The following CENPP variants were observed in gnomAD, a reference collection of about 807,000 sequenced individuals.
CENPP encodes the protein centromere protein P.
CENPP carries 24 observed loss-of-function variants against 35.6 expected under a neutral mutation model. The observed-to-expected ratio is 0.67, with a 90% confidence interval of 0.49 to 0.95. The LOEUF (loss-of-function observed/expected upper bound fraction) is 0.95. Among genes scored for constraint, CENPP ranks in the 40% least tolerant of loss-of-function variants. CENPP has a pLI of 0.00. For synonymous variants in CENPP, 120 were observed against 125.5 expected (o/e 0.96, Z 0.29); for missense variants, 332 against 345.3 (o/e 0.96, Z 0.31).
chr9:92,365,406 C>CTTTTTT (rs33952600), intron 4 of CENPP, among the ~76,000 whole-genome samples: 2 of 81,506 alleles, frequency 2.5e-5, no homozygotes, highest in African/African-American at 1.0e-4. Context: ...TATAACTACT[C>CTTTTTT]TTTTTTTTTT....
chr9:92,584,633 T>C (rs1247566181), intron 5 of CENPP, among the ~76,000 whole-genome samples: 1 of 152,162 alleles, frequency 6.6e-6, no homozygotes, highest in East Asian at 1.9e-4. Flanking sequence ...TGTAAGTTCG[T>C]TTTAACCAGT....
chr9:92,484,619 T>C (rs1846013144), intron 5 of CENPP, among the ~76,000 whole-genome samples: 1 of 152,222 alleles, frequency 6.6e-6, no homozygotes, highest in African/African-American at 2.4e-5. Context: ...AAATAAGATT[T>C]CAACTTCTCT....
At chr9:92,454,547 T>C (rs1166655360) in intron 5 of CENPP, among the ~76,000 whole-genome samples, 1 of 152,200 alleles carries the variant, frequency 6.6e-6, no homozygotes. Context: ...ATTTATTTTG[T>C]TTATTAAAGC....
At chr9:92,490,820 C>G (rs973854859) in intron 5 of CENPP, among the ~76,000 whole-genome samples, 4 of 152,206 alleles carry the variant, frequency 2.6e-5, no homozygotes, top group Non-Finnish European at 4.4e-5. Flanking sequence ...ATGTTAATAA[C>G]ATAAATGATT....
chr9:92,344,378 T>C (rs902068764), intron 3 of CENPP, among the ~76,000 whole-genome samples: 2 of 152,228 alleles, frequency 1.3e-5, no homozygotes, highest in African/African-American at 4.8e-5. Flanking sequence ...AGATTTTTGC[T>C]TTCCTTTTCC....
chr9:92,359,932 A>G (rs574036712), intron 4 of CENPP, among the ~76,000 whole-genome samples: 21 of 152,268 alleles, frequency 1.4e-4, no homozygotes, highest in African/African-American at 5.1e-4. Flanking sequence ...TGCTAAAATT[A>G]ATCACAATTT....
At chr9:92,566,759 T>G (rs1437233135) in intron 5 of CENPP, among the ~76,000 whole-genome samples, 1 of 152,198 alleles carries the variant, frequency 6.6e-6, no homozygotes, top group East Asian at 1.9e-4. Context: ...ACTTATGCAC[T>G]GTGGGAGTCT....
chr9:92,474,552 G>A (rs1845637496), intron 5 of CENPP: 1 of 1,527,870 alleles, frequency 6.5e-7, no homozygotes, highest in Non-Finnish European at 8.7e-7. Context: ...ATTTCAATGA[G>A]ACTTTTTCCA....
At chr9:92,326,392 A>G (rs1840506299) in intron 1 of CENPP, among the ~76,000 whole-genome samples, 1 of 152,256 alleles carries the variant, frequency 6.6e-6, no homozygotes, top group South Asian at 2.1e-4. Context: ...CGCCTCCAGT[A>G]TGCAGAAGTA....
chr9:92,489,843 G>C (rs1373005671), intron 5 of CENPP, among the ~76,000 whole-genome samples: 1 of 152,168 alleles, frequency 6.6e-6, no homozygotes, highest in African/African-American at 2.4e-5. Context: ...CTGTTGCCAA[G>C]GCTGCAGGGT....
Position 92,618,127 on chromosome 9 carries a change from T to C in CENPP, c.*4978T>C, listed in dbSNP as rs1410317477. 1 of 419,972 alleles carries C rather than the reference T, an allele frequency of 2.4e-6. No homozygotes were observed. The highest frequency in any genetic ancestry group is 2.1e-5 in the African/African-American group (1 of 48,516). 26.0% of individuals were successfully genotyped at this position (419,972 alleles called of 1,614,324 possible). ...CACAGGTGCGGCCACTGCGCACACC[T>C]TCCTGGAAGCAGGCCCAGCCCCACA... On this transcript the variant is annotated 3_prime_UTR_variant, in exon 8 of 8. Transcript: ENST00000375587.
chr9:92,605,823 C>T (rs1311879150), intron 5 of CENPP, among the ~76,000 whole-genome samples: 1 of 152,152 alleles, frequency 6.6e-6, no homozygotes, highest in Non-Finnish European at 1.5e-5. Context: ...AAATGAAAAA[C>T]TTTGTACTTC....
chr9:92,435,074 T>C (rs968543055), intron 5 of CENPP, among the ~76,000 whole-genome samples: 1 of 152,082 alleles, frequency 6.6e-6, no homozygotes. Context: ...AAAAGTATAC[T>C]GTACACTGTG....
chr9:92,352,505 G>GTGTGTGTATATATATA lies in CENPP; in HGVS notation c.467+6719_467+6720insGTGTGTATATATATAT. Among the ~76,000 whole-genome samples, 10 of 49,786 alleles carry GTGTGTGTATATATATA rather than the reference G, an allele frequency of 2.0e-4. 1 individual carries two copies. The highest frequency in any genetic ancestry group is 1.6e-3 in the African/African-American group (9 of 5,544). The allele number at this position is 49,786 out of a possible 152,430, so 32.7% of individuals were successfully genotyped here. ...TGTGTGTGTGTGTGTGTGTGTGTGT[G>GTGTGTGTATATATATA]TATACATATATATATATATATATAT... is the stretch of plus-strand genomic sequence containing the variant. On this transcript the variant is annotated intron_variant, in intron 4 of 7. Coordinates refer to ENST00000375587, the MANE Select transcript of CENPP (RefSeq NM_001012267.3).
intron 5 of CENPP, among the ~76,000 whole-genome samples, chr9:92,412,283 C>T (rs1468330693): frequency 1.3e-5 from 2 of 151,950 alleles, no homozygotes; most frequent in Admixed American, 1.3e-4. Context: ...GACAGGGTTT[C>T]ACTGTGTTGC....
intron 4 of CENPP, among the ~76,000 whole-genome samples, chr9:92,360,173 A>G (rs1042930505): frequency 5.3e-5 from 8 of 152,032 alleles, no homozygotes; most frequent in African/African-American, 1.9e-4. Context: ...TATTTGTATT[A>G]TTTTTTATTG....
Position 92,613,407 on chromosome 9 carries a change from G to T in CENPP, c.*258G>T, listed in dbSNP as rs935419801. The T allele has an allele frequency of 3.0e-5, 12 of 395,102 alleles. No individual in the cohort carries two copies. Among genetic ancestry groups the T allele is most frequent in the African/African-American group, 2.5e-4 (12 of 48,616 alleles). The allele number at this position is 395,102 out of a possible 1,614,324, so 24.5% of individuals were successfully genotyped here. ...TAACATCTGAGAAAATGTACCAAGT[G>T]GTTGTGTGTCCTCAGATGTGTGGGG... On this transcript the variant is annotated 3_prime_UTR_variant, in exon 8 of 8. Coordinates refer to ENST00000375587, the MANE Select transcript of CENPP (RefSeq NM_001012267.3).
At chr9:92,497,220 A>G (rs1269475381) in intron 5 of CENPP, among the ~76,000 whole-genome samples, 1 of 152,242 alleles carries the variant, frequency 6.6e-6, no homozygotes, top group Non-Finnish European at 1.5e-5. Context: ...ATGTCTATCA[A>G]TACGGAACTG....
rs12342813 is a variant in CENPP, at chr9:92,578,673, G to T, written c.565-32641G>T. ...TTTGTTTTTTTCTTGTAAATTTGTTGGAGTTCATTGTAGATTCTGGATATT... is the reference window on the plus strand; with the variant it reads ...TTTGTTTTTTTCTTGTAAATTTGTTTGAGTTCATTGTAGATTCTGGATATT... On this transcript the variant is annotated intron_variant, in intron 5 of 7. Coordinates refer to ENST00000375587, the MANE Select transcript of CENPP (RefSeq NM_001012267.3). Among the ~76,000 whole-genome samples the T allele has an allele frequency of 5.2e-4, 79 of 151,794 alleles. No individual in the cohort carries two copies. In the East Asian group the frequency reaches 5.4e-3, roughly 10 times the overall value.
Sources: allele counts gnomAD v4.1 joint callset (sites outside exome capture counted in the v4.1 genomes callset), GRCh38; gene constraint gnomAD v4.1.1; transcripts MANE v1.5; gene names NCBI Gene and HGNC (gene_info 2026-07-23, HGNC 2026-07-21).